EYS: variants seen among roughly 807,000 people sequenced by gnomAD.
EYS encodes EGF-like photoreceptor maintenance factor, also known as protein eyes shut homolog.
EYS carries 250 observed loss-of-function variants against 282.1 expected under a neutral mutation model. The observed-to-expected ratio is 0.89, with a 90% CI of 0.80 to 0.98. The LOEUF is 0.98. Among genes scored for constraint, EYS ranks in the 50% least tolerant of loss-of-function variants. The pLI, the probability that EYS is intolerant of heterozygous loss-of-function variation, is 0.00. For missense variants in EYS, 4,016 were observed against 3,709.0 expected, an observed-to-expected ratio of 1.08 and a Z score of -2.15; for synonymous variants, 1,355 against 1,282.9, an observed-to-expected ratio of 1.06 and a Z score of -1.20.
chr6:65,127,487 C>T (rs1485950261), intron 12 of EYS, among the ~76,000 whole-genome samples: 2 of 151,994 alleles, frequency 1.3e-5, no homozygotes. Flanking sequence ...AAACAGAAGC[C>T]TATCAACACA....
At chr6:65,560,296 TATA>T (rs1302850433) in intron 2 of EYS, among the ~76,000 whole-genome samples, 4 of 139,748 alleles carry the variant, frequency 2.9e-5, no homozygotes, top group Non-Finnish European at 4.5e-5. Context: ...TAATATAACA[TATA>T]ATAATATATA....
At chr6:65,063,170 A>T (rs9453169) in intron 12 of EYS, among the ~76,000 whole-genome samples, 2,282 of 152,048 alleles carry the variant, frequency 0.015, 49 homozygotes, top group African/African-American at 0.051. Flanking sequence ...ATATTTTACA[A>T]TTTTCTGAAA....
chr6:65,555,192 A>G (rs1768750680), intron 2 of EYS, among the ~76,000 whole-genome samples: 1 of 152,060 alleles, frequency 6.6e-6, no homozygotes, highest in South Asian at 2.1e-4. Context: ...TTATGTTTTC[A>G]TTATCTTTAT....
chr6:65,550,110 C>T (rs1420315028), intron 2 of EYS, among the ~76,000 whole-genome samples: 1 of 147,186 alleles, frequency 6.8e-6, no homozygotes, highest in Non-Finnish European at 1.5e-5. Flanking sequence ...TTCCCCTAAG[C>T]CTGTCAGAAG....
At chr6:65,593,352 T>C (rs1765297377) in intron 2 of EYS, among the ~76,000 whole-genome samples, 1 of 152,080 alleles carries the variant, frequency 6.6e-6, no homozygotes, top group African/African-American at 2.4e-5. Flanking sequence ...TTTGCTTCTC[T>C]ATAATATTTT....
intron 22 of EYS, among the ~76,000 whole-genome samples, chr6:64,656,955 T>C (rs1768773081): frequency 6.6e-6 from 1 of 152,112 alleles, no homozygotes; most frequent in Non-Finnish European, 1.5e-5. Context: ...TCTATTAAGA[T>C]TATCAGTCTC....
At chr6:65,148,968 T>C (rs1764548138) in intron 12 of EYS, among the ~76,000 whole-genome samples, 2 of 152,068 alleles carry the variant, frequency 1.3e-5, no homozygotes, top group Admixed American at 6.6e-5. Flanking sequence ...AACCATGTCC[T>C]GAGGCTGCAC....
At chr6:64,610,089 A>T (rs1767061049) in intron 24 of EYS, among the ~76,000 whole-genome samples, 1 of 152,118 alleles carries the variant, frequency 6.6e-6, no homozygotes, top group African/African-American at 2.4e-5. Context: ...CCAATGGGTT[A>T]ACAATGTTAT....
At chr6:64,665,532 A>C (rs1383753191) in intron 22 of EYS, among the ~76,000 whole-genome samples, 2 of 152,180 alleles carry the variant, frequency 1.3e-5, no homozygotes, top group African/African-American at 4.8e-5. Context: ...TGGATGTTTC[A>C]AAATTATCGT....
chr6:65,000,871 G>GTGATT (rs1416037135), intron 13 of EYS, among the ~76,000 whole-genome samples: 3 of 152,192 alleles, frequency 2.0e-5, no homozygotes, highest in African/African-American at 7.2e-5. Context: ...CATATATGCA[G>GTGATT]TGATTTCTCA....
intron 34 of EYS, among the ~76,000 whole-genome samples, chr6:63,988,737 C>T (rs1767479217): frequency 6.6e-6 from 1 of 151,444 alleles, no homozygotes; most frequent in African/African-American, 2.4e-5. Context: ...CAGACATGGA[C>T]AATCAAGGAG....
At chr6:65,018,389 T>A in intron 13 of EYS, among the ~76,000 whole-genome samples, 1 of 152,218 alleles carries the variant, frequency 6.6e-6, no homozygotes, top group Non-Finnish European at 1.5e-5. Flanking sequence ...CACCCTGATC[T>A]CTACCTTTAT....
intron 29 of EYS, among the ~76,000 whole-genome samples, chr6:64,368,057 G>C (rs1772238343): frequency 6.6e-6 from 1 of 152,060 alleles, no homozygotes; most frequent in Non-Finnish European, 1.5e-5. Context: ...AATAAGCGTA[G>C]TATCCAATAG....
At chr6:65,014,392 G>A (rs1771977848) in intron 13 of EYS, among the ~76,000 whole-genome samples, 1 of 152,140 alleles carries the variant, frequency 6.6e-6, no homozygotes, top group Admixed American at 6.6e-5. Flanking sequence ...ATAAGCTTGT[G>A]ATAAGTTGTT....
intron 31 of EYS, among the ~76,000 whole-genome samples, chr6:64,118,761 G>A (rs1227467738): frequency 6.6e-6 from 1 of 152,030 alleles, no homozygotes; most frequent in Non-Finnish European, 1.5e-5. Flanking sequence ...TGTAGAAGGA[G>A]AGAAAATATT....
chr6:63,917,642 T>C (rs537849844), intron 35 of EYS, among the ~76,000 whole-genome samples: 2 of 152,276 alleles, frequency 1.3e-5, no homozygotes, highest in South Asian at 2.1e-4. Flanking sequence ...AAATGTCAAA[T>C]GGCAGGAATT....
intron 14 of EYS, among the ~76,000 whole-genome samples, chr6:64,956,760 CAATA>C (rs1769717904): frequency 6.6e-6 from 1 of 152,094 alleles, no homozygotes. Context: ...ATAATCTGAT[CAATA>C]AATGGGCAAA....
chr6:63,852,957 T>G (rs943745965), intron 36 of EYS, among the ~76,000 whole-genome samples: 6 of 152,180 alleles, frequency 3.9e-5, no homozygotes, highest in Non-Finnish European at 7.4e-5. Flanking sequence ...AAACACTCAA[T>G]AAACTAGGTA....
At chr6:64,545,320 A>G (rs953917885) in intron 26 of EYS, among the ~76,000 whole-genome samples, 1 of 152,048 alleles carries the variant, frequency 6.6e-6, no homozygotes, top group Non-Finnish European at 1.5e-5. Context: ...AAATTCAACG[A>G]CCCTTCATGC....
Sources: allele counts gnomAD v4.1 joint callset (sites outside exome capture counted in the v4.1 genomes callset), GRCh38; gene constraint gnomAD v4.1.1; transcripts MANE v1.5; gene names NCBI Gene and HGNC (gene_info 2026-07-23, HGNC 2026-07-21).